The following TENM4 variants were observed in gnomAD, a reference collection of about 807,000 sequenced individuals.
The protein encoded by TENM4 is teneurin-4.
A neutral mutation model predicts 243.3 loss-of-function variants in TENM4; 82 were observed. That is an observed-to-expected ratio of 0.34 (90% CI 0.28 to 0.40). The LOEUF is 0.40. Ranked by LOEUF, TENM4 falls within the 10% of genes least tolerant of loss-of-function variation. The pLI, the probability that TENM4 is intolerant of heterozygous loss-of-function variation, is 1.00. For missense variants in TENM4, 3,138 were observed against 3,673.3 expected, an observed-to-expected ratio of 0.85 and a Z score of 3.77; for synonymous variants, 1,412 against 1,456.3, an observed-to-expected ratio of 0.97 and a Z score of 0.69.
chr11:78,812,723 C>T (rs1016793627), intron 13 of TENM4, among the ~76,000 whole-genome samples: 5 of 152,140 alleles, frequency 3.3e-5, no homozygotes, highest in African/African-American at 9.7e-5. Context: ...TTTCACTTCC[C>T]CACACCTCAT....
intron 1 of TENM4, among the ~76,000 whole-genome samples, chr11:79,365,399 A>G (rs1490449297): frequency 6.6e-6 from 1 of 152,214 alleles, no homozygotes; most frequent in Non-Finnish European, 1.5e-5. Flanking sequence ...GAATGATTCC[A>G]GGATCTTTTA....
intron 11 of TENM4, among the ~76,000 whole-genome samples, chr11:78,855,334 A>C (rs1858654214): frequency 6.6e-6 from 1 of 152,200 alleles, no homozygotes. Context: ...GACCTTGCAC[A>C]AGTGTCTGTT....
chr11:79,269,187 T>C (rs1450200582), intron 2 of TENM4, among the ~76,000 whole-genome samples: 1 of 152,212 alleles, frequency 6.6e-6, no homozygotes, highest in African/African-American at 2.4e-5. Context: ...GAACATGCTG[T>C]TCAAAGTAGT....
At chr11:79,362,028 G>T (rs921113864) in intron 1 of TENM4, among the ~76,000 whole-genome samples, 2 of 152,196 alleles carry the variant, frequency 1.3e-5, no homozygotes, top group African/African-American at 4.8e-5. Flanking sequence ...AATATCATAT[G>T]TATCTCGGGA....
Position 78,669,164 on chromosome 11 carries a change from G to T in TENM4, c.7181C>A (p.Pro2394His), listed in dbSNP as rs1438488873. Residue 2394 changes from proline (P) to histidine (H), a missense_variant, in exon 32 of 34, where the codon CCC becomes CAC. Physicochemically the swap from Pro to His is moderately conservative, Grantham distance 77. Transcript: ENST00000278550. This position sits in a 1 kb window ranked among gnomAD's most constrained non-coding sequence, Gnocchi z 6.4. The part of the protein sequence containing the change: ...AYGEIYMDTN[P>H]NFQIIIGYHG... The stretch of plus-strand genomic sequence containing the variant: ...GTAGCCTATGATGATCTGAAAGTTG[G>T]GGTTGGTATCCATGTAGATCTCCCC... The T allele has an allele frequency of 6.2e-7, 1 of 1,613,794 alleles. No homozygotes were observed. Among genetic ancestry groups the T allele is most frequent in the Non-Finnish European group, 8.5e-7 (1 of 1,179,814 alleles).
intron 7 of TENM4, among the ~76,000 whole-genome samples, chr11:78,893,085 T>C (rs1373538402): frequency 2.0e-5 from 3 of 152,198 alleles, no homozygotes; most frequent in Non-Finnish European, 4.4e-5. Context: ...ACCTCCTCTT[T>C]TGGTGAGTCG....
intron 6 of TENM4, among the ~76,000 whole-genome samples, chr11:79,062,935 C>T (rs984863541): frequency 6.6e-6 from 1 of 152,028 alleles, no homozygotes; most frequent in African/African-American, 2.4e-5. Flanking sequence ...GGTGGTTTCC[C>T]ACCAGAGAGA....
chr11:78,905,750 T>C (rs1444431080), intron 6 of TENM4, among the ~76,000 whole-genome samples: 1 of 152,236 alleles, frequency 6.6e-6, no homozygotes, highest in Non-Finnish European at 1.5e-5. Flanking sequence ...GCAAGGATGT[T>C]CCTTGCTGGG....
At position 78,672,129 on chromosome 11, in the gene TENM4, G is replaced by A; in HGVS notation, c.5697C>T (p.Gly1899=). The A allele has an allele frequency of 6.2e-7, 1 of 1,614,022 alleles. No homozygotes were observed. The part of the protein sequence containing the change: ...PGGYIAGIQR[G]IMSERMEYDQ... The stretch of plus-strand genomic sequence containing the variant: ...CGTATTCCATTCTTTCAGACATGAT[G>A]CCCCTCTGGATGCCAGCAATGTAAC... The change falls in exon 31 of 34, where the codon GGC becomes GGT. Residue 1899 remains glycine, a synonymous_variant. Coordinates refer to ENST00000278550, the MANE Select transcript of TENM4 (RefSeq NM_001098816.3).
intron 6 of TENM4, among the ~76,000 whole-genome samples, chr11:78,912,887 T>C (rs1407212397): frequency 1.3e-5 from 2 of 152,198 alleles, no homozygotes; most frequent in East Asian, 3.8e-4. Context: ...AGTAGAACTC[T>C]CTCACAACAT....
At chr11:78,724,691 G>A (rs557743267) in intron 23 of TENM4, among the ~76,000 whole-genome samples, 3 of 152,272 alleles carry the variant, frequency 2.0e-5, no homozygotes, top group Non-Finnish European at 2.9e-5. Flanking sequence ...AGCTGGGCAC[G>A]TGACTGCCTG....
At chr11:78,852,941 G>T (rs499982) in intron 12 of TENM4, among the ~76,000 whole-genome samples, 81,920 of 151,808 alleles carry the variant, frequency 0.54, 25,084 homozygotes, top group African/African-American at 0.82. Context: ...TTTGTAGAAA[G>T]GAGGATCTTG....
chr11:79,201,502 C>CAAAAAAAAAAAAAAA (rs11418108), intron 3 of TENM4, among the ~76,000 whole-genome samples: 1 of 145,542 alleles, frequency 6.9e-6, no homozygotes, highest in Non-Finnish European at 1.5e-5. Flanking sequence ...AATAACCAGG[C>CAAAAAAAAAAAAAAA]AAAAAAAAAA....
At chr11:79,097,964 T>C (rs1434222180) in intron 4 of TENM4, 5 of 151,788 alleles carry the variant, frequency 3.3e-5, no homozygotes, top group Admixed American at 2.6e-4. Flanking sequence ...GATAACTTAG[T>C]AAAACAAAAA....
intron 32 of TENM4, among the ~76,000 whole-genome samples, chr11:78,663,911 G>A (rs1014994612): frequency 6.6e-6 from 1 of 152,156 alleles, no homozygotes. Context: ...GTTGTCTGGG[G>A]CCCCCTCTCC....
intron 5 of TENM4, among the ~76,000 whole-genome samples, chr11:79,066,606 G>A (rs913388696): frequency 2.7e-5 from 4 of 149,802 alleles, no homozygotes; most frequent in South Asian, 2.1e-4. Context: ...ACACACGCGC[G>A]TGCACACACA....
chr11:79,216,793 T>C (rs892826219), intron 2 of TENM4, among the ~76,000 whole-genome samples: 1 of 152,212 alleles, frequency 6.6e-6, no homozygotes, highest in Non-Finnish European at 1.5e-5. Flanking sequence ...GTGAGCTAAA[T>C]AAATTTCTTT....
intron 5 of TENM4, among the ~76,000 whole-genome samples, chr11:79,065,591 A>C (rs1860223256): frequency 6.6e-6 from 1 of 152,214 alleles, no homozygotes; most frequent in South Asian, 2.1e-4. Flanking sequence ...TGGGGCCAGA[A>C]GTTCCTTTCT....
intron 6 of TENM4, among the ~76,000 whole-genome samples, chr11:79,042,404 T>C (rs1408783273): frequency 6.6e-6 from 1 of 152,204 alleles, no homozygotes; most frequent in Admixed American, 6.5e-5. Context: ...GTGGGGCCTT[T>C]GGGAGATGAT....
Sources: gnomAD v4.1 joint callset for allele counts (sites outside exome capture counted in the v4.1 genomes callset) on GRCh38, gnomAD v4.1.1 for gene constraint, Gnocchi (gnomAD v3.1) non-coding constraint, MANE v1.5 for transcripts, NCBI Gene and HGNC (gene_info 2026-07-23, HGNC 2026-07-21) for gene names.